Variants in SLC25A21 observed in about 807,000 individuals in gnomAD.
SLC25A21 encodes mitochondrial 2-oxodicarboxylate carrier.
SLC25A21 carries 47 observed loss-of-function variants against 43.8 expected under a neutral mutation model. That is an observed-to-expected ratio of 1.07 (90% confidence interval 0.85 to 1.37). The LOEUF (loss-of-function observed/expected upper bound fraction) is 1.37, where lower values mean the gene tolerates loss of function less well. Ranked by LOEUF, SLC25A21 falls within the 40% of genes most tolerant of loss-of-function variation. The pLI is 0.00. For synonymous variants in SLC25A21, 131 were observed against 121.3 expected (o/e 1.08, Z -0.52); for missense variants, 352 against 350.2 (o/e 1.00, Z -0.04).
At chr14:36,912,116 T>A (rs1380992840) in intron 1 of SLC25A21, among the ~76,000 whole-genome samples, 2 of 152,176 alleles carry the variant, frequency 1.3e-5, no homozygotes, top group African/African-American at 4.8e-5. Flanking sequence ...GATTAAAAAC[T>A]AACAGACTGC....
rs775569926 is a variant in SLC25A21, at chr14:37,172,300, G to C, written c.51C>G (p.Ile17Met). The C allele has an allele frequency of 1.9e-5, 30 of 1,600,152 alleles. No homozygotes were observed. The highest frequency in any genetic ancestry group is 2.5e-5 in the Non-Finnish European group (29 of 1,173,764). ...CCTTACCTGCAGAACCACCGGCCAC[G>C]ATCTGCCGAGAAGCCTCGCGCACTA... The part of the protein sequence containing the change: ...VSLVREASRQ[I>M]VAGGSAGLVE... Residue 17 changes from isoleucine to methionine, a missense_variant, in exon 1 of 10, where the codon ATC becomes ATG. Ile to Met is a conservative substitution (Grantham distance 10). Coordinates refer to ENST00000331299, the MANE Select transcript of SLC25A21 (RefSeq NM_030631.4).
chr14:36,972,129 T>C (rs1959765053), intron 1 of SLC25A21, among the ~76,000 whole-genome samples: 1 of 152,218 alleles, frequency 6.6e-6, no homozygotes, highest in Non-Finnish European at 1.5e-5. Flanking sequence ...ATACATACCA[T>C]TGTGTTACAG....
At chr14:37,041,209 TG>T (rs1266654264) in intron 1 of SLC25A21, among the ~76,000 whole-genome samples, 2 of 152,154 alleles carry the variant, frequency 1.3e-5, no homozygotes, top group Non-Finnish European at 2.9e-5. Flanking sequence ...AGGAAGGCAG[TG>T]GAGGGGATGT....
intron 1 of SLC25A21, among the ~76,000 whole-genome samples, chr14:37,083,212 T>C (rs538362343): frequency 3.3e-5 from 5 of 152,318 alleles, no homozygotes; most frequent in African/African-American, 9.6e-5. Flanking sequence ...AATTCACCAA[T>C]TGCTTTTTCA....
intron 1 of SLC25A21, among the ~76,000 whole-genome samples, chr14:37,105,361 A>G (rs1962891272): frequency 2.0e-5 from 3 of 152,198 alleles, no homozygotes; most frequent in African/African-American, 7.2e-5. Context: ...AACTTTAGTC[A>G]GAGGAGTCCT....
At chr14:37,064,467 C>A (rs1317876073) in intron 1 of SLC25A21, among the ~76,000 whole-genome samples, 1 of 151,328 alleles carries the variant, frequency 6.6e-6, no homozygotes, top group Non-Finnish European at 1.5e-5. Context: ...CTTGGGAGAA[C>A]CCTAATACAG....
intron 1 of SLC25A21, among the ~76,000 whole-genome samples, chr14:36,948,213 T>C (rs909209717): frequency 6.6e-6 from 1 of 152,192 alleles, no homozygotes; most frequent in Admixed American, 6.5e-5. Context: ...GTGCAGACTA[T>C]ATGTATAAAG....
chr14:36,859,833 G>A (rs1230440683), intron 2 of SLC25A21, among the ~76,000 whole-genome samples: 3 of 152,088 alleles, frequency 2.0e-5, no homozygotes, highest in African/African-American at 4.8e-5. Flanking sequence ...AGTAAAACAG[G>A]CTTAGTGTGT....
At chr14:37,172,250 C>T (rs779741288) in intron 1 of SLC25A21, 31 bp downstream of exon 1, 13 of 1,565,350 alleles carry the variant, frequency 8.3e-6, no homozygotes, top group Non-Finnish European at 9.5e-6. Flanking sequence ...AAGCGACTAG[C>T]CTCCGGCGGG....
At chr14:37,169,443 G>A (rs567400568) in intron 1 of SLC25A21, among the ~76,000 whole-genome samples, 206 of 152,072 alleles carry the variant, frequency 1.4e-3, no homozygotes, top group Non-Finnish European at 2.6e-3. Flanking sequence ...CCTTATTCCA[G>A]TTTGTTCCAG....
intron 1 of SLC25A21, 120 bp downstream of exon 1, chr14:37,172,161 G>C (rs1037072281): frequency 9.5e-7 from 1 of 1,054,960 alleles, no homozygotes. Context: ...TGCTCCGGGA[G>C]CGCTGAATTT....
chr14:36,853,112 A>C (rs576341082), intron 2 of SLC25A21, among the ~76,000 whole-genome samples: 62 of 152,328 alleles, frequency 4.1e-4, no homozygotes, highest in Middle Eastern at 3.4e-3. Flanking sequence ...CACTAAGACC[A>C]AAACAACAAC....
At chr14:36,899,817 AG>A (rs1353865218) in intron 1 of SLC25A21, among the ~76,000 whole-genome samples, 2 of 152,204 alleles carry the variant, frequency 1.3e-5, no homozygotes, top group Non-Finnish European at 2.9e-5. Context: ...TACTCTTAAA[AG>A]GGGATAATTG....
At chr14:37,005,481 AT>A (rs1025335360) in intron 1 of SLC25A21, among the ~76,000 whole-genome samples, 7 of 152,096 alleles carry the variant, frequency 4.6e-5, no homozygotes, top group African/African-American at 7.2e-5. Context: ...AAGATATACA[AT>A]TTTTTTCTTT....
intron 1 of SLC25A21, among the ~76,000 whole-genome samples, chr14:36,976,674 A>G (rs1959880165): frequency 6.6e-6 from 1 of 152,198 alleles, no homozygotes; most frequent in African/African-American, 2.4e-5. Context: ...GGCTGATGCA[A>G]GCCAGAATTC....
intron 2 of SLC25A21, among the ~76,000 whole-genome samples, chr14:36,833,108 AG>A (rs34511538): frequency 6.6e-6 from 1 of 152,232 alleles, no homozygotes; most frequent in African/African-American, 2.4e-5. Flanking sequence ...AGGATACACA[AG>A]GAAGTTTAAA....
At chr14:36,904,727 A>G (rs1310242474) in intron 1 of SLC25A21, among the ~76,000 whole-genome samples, 1 of 152,144 alleles carries the variant, frequency 6.6e-6, no homozygotes, top group African/African-American at 2.4e-5. Flanking sequence ...GAACTGTCAA[A>G]CACTTATAAA....
At chr14:36,865,713 C>T (rs1890195145) in intron 2 of SLC25A21, among the ~76,000 whole-genome samples, 1 of 152,134 alleles carries the variant, frequency 6.6e-6, no homozygotes, top group South Asian at 2.1e-4. Flanking sequence ...ATAAGAATCA[C>T]CAGGGAGGTT....
chr14:36,731,629 T>C (rs760038180), intron 4 of SLC25A21, among the ~76,000 whole-genome samples: 1 of 152,190 alleles, frequency 6.6e-6, no homozygotes, highest in Non-Finnish European at 1.5e-5. Context: ...GTCTGGCTGG[T>C]GGGAATAGGC....
Sources: allele counts gnomAD v4.1 joint callset (sites outside exome capture counted in the v4.1 genomes callset), GRCh38; gene constraint gnomAD v4.1.1; transcripts MANE v1.5; gene names NCBI Gene and HGNC (gene_info 2026-07-23, HGNC 2026-07-21).